Variants in SKAP1 observed in about 807,000 individuals in gnomAD.
SKAP1 encodes src kinase-associated phosphoprotein 1.
In SKAP1, 44 loss-of-function variants were observed where a neutral mutation model predicts 58.5. The observed-to-expected ratio is 0.75, with a 90% CI of 0.59 to 0.97. The LOEUF is 0.97. Among genes scored for constraint, SKAP1 ranks in the 50% least tolerant of loss-of-function variants. SKAP1 has a pLI of 0.00. For missense variants in SKAP1, 390 were observed against 435.2 expected, an observed-to-expected ratio of 0.90 and a Z score of 0.92; for synonymous variants, 127 against 149.7, an observed-to-expected ratio of 0.85 and a Z score of 1.11.
rs546853205 is a variant in SKAP1 at position 48,237,288 on chromosome 17, G to A, written c.281-47788C>T. 1.1e-4 allele frequency among the ~76,000 whole-genome samples: 16 copies of A among 152,300 alleles called. No individual in the cohort carries two copies. The South Asian group carries it at 3.3e-3, about 32-fold the overall frequency. ...AAAGTTGTATCATTATTCAATATAAGAGACTTTATTCCTAACTTGTGTTCT... is the reference window on the plus strand; with the variant it reads ...AAAGTTGTATCATTATTCAATATAAAAGACTTTATTCCTAACTTGTGTTCT... On this transcript the variant is annotated intron_variant, in intron 4 of 12. Coordinates refer to ENST00000336915, the MANE Select transcript of SKAP1 (RefSeq NM_003726.4).
chr17:48,197,369 C>A (rs925875390), intron 4 of SKAP1, among the ~76,000 whole-genome samples: 3 of 151,518 alleles, frequency 2.0e-5, no homozygotes, highest in African/African-American at 7.3e-5. Context: ...AGGGCTCATG[C>A]AGAAATCTTG....
intron 4 of SKAP1, among the ~76,000 whole-genome samples, chr17:48,275,738 A>T (rs562184530): frequency 1.3e-5 from 2 of 152,288 alleles, no homozygotes; most frequent in South Asian, 4.1e-4. Flanking sequence ...AATCCCAACT[A>T]TTGTTGTTGT....
intron 4 of SKAP1, among the ~76,000 whole-genome samples, chr17:48,299,351 C>T (rs1264487501): frequency 6.6e-6 from 1 of 152,150 alleles, no homozygotes; most frequent in Non-Finnish European, 1.5e-5. Flanking sequence ...AGCTAGACTA[C>T]TGAAGGAAGT....
At chr17:48,213,032 T>A (rs1051302497) in intron 4 of SKAP1, among the ~76,000 whole-genome samples, 9 of 152,072 alleles carry the variant, frequency 5.9e-5, no homozygotes, top group African/African-American at 2.2e-4. Flanking sequence ...AAAGAGTGGG[T>A]GCCTCAGCAG....
At chr17:48,429,057 CAATT>C (rs979583493) in intron 1 of SKAP1, among the ~76,000 whole-genome samples, 1 of 151,720 alleles carries the variant, frequency 6.6e-6, no homozygotes, top group African/African-American at 2.4e-5. Context: ...GATATAAAAC[CAATT>C]AAATTGAGAG....
intron 11 of SKAP1, among the ~76,000 whole-genome samples, chr17:48,142,148 C>T (rs890903075): frequency 6.6e-6 from 1 of 152,128 alleles, no homozygotes; most frequent in African/African-American, 2.4e-5. Context: ...ATATCCAGCA[C>T]AGAGTGGGGC....
intron 4 of SKAP1, among the ~76,000 whole-genome samples, chr17:48,284,735 G>A (rs999051924): frequency 6.6e-6 from 1 of 152,178 alleles, no homozygotes; most frequent in Non-Finnish European, 1.5e-5. Context: ...AGTTGTAGAA[G>A]GTTGGAAATC....
the SKAP1 span, among the ~76,000 whole-genome samples, chr17:48,444,279 A>C: frequency 6.6e-6 from 1 of 152,140 alleles, no homozygotes; most frequent in Non-Finnish European, 1.5e-5. Context: ...CTGTAATCCC[A>C]GTAACAGGGG....
intron 4 of SKAP1, among the ~76,000 whole-genome samples, chr17:48,200,728 C>T (rs2064716853): frequency 1.3e-5 from 2 of 152,174 alleles, no homozygotes; most frequent in Admixed American, 1.3e-4. Context: ...TAAGAAGGAT[C>T]TTTCCCTTAA....
At chr17:48,280,088 G>A (rs1001224366) in intron 4 of SKAP1, among the ~76,000 whole-genome samples, 5 of 152,122 alleles carry the variant, frequency 3.3e-5, no homozygotes, top group African/African-American at 1.2e-4. Context: ...GCTTGTTTAT[G>A]GAAACTAGAC....
chr17:48,433,934 C>T (rs2067929804), upstream of SKAP1, among the ~76,000 whole-genome samples: 4 of 152,196 alleles, frequency 2.6e-5, no homozygotes, highest in Admixed American at 2.6e-4. Context: ...GCATCTGGCA[C>T]CCAGAATGGC....
chr17:48,328,885 T>C (rs988264989), intron 4 of SKAP1, among the ~76,000 whole-genome samples: 1 of 152,230 alleles, frequency 6.6e-6, no homozygotes, highest in Non-Finnish European at 1.5e-5. Context: ...AAGAAATTTC[T>C]GAAATACTAT....
intron 1 of SKAP1, among the ~76,000 whole-genome samples, chr17:48,407,582 G>A (rs1040443862): frequency 3.3e-5 from 5 of 152,220 alleles, no homozygotes; most frequent in Admixed American, 2.6e-4. Flanking sequence ...GGAAAGGCCA[G>A]GTGCAGTGGC....
intron 4 of SKAP1, among the ~76,000 whole-genome samples, chr17:48,224,150 GAA>G (rs1219521112): frequency 6.7e-6 from 1 of 149,516 alleles, no homozygotes; most frequent in South Asian, 2.1e-4. Flanking sequence ...GCAAGAGCTT[GAA>G]AGTCTACACT....
At position 48,183,660 on chromosome 17, in the gene SKAP1, A is replaced by G. The variant is rs200836639; in HGVS notation, c.567+1063T>C. On this transcript the variant is annotated intron_variant, in intron 7 of 12. Transcript: ENST00000336915. ...ACGTAAACTTTTACCTGGATGTGTTACTATCAGAATGTAATAATAAAAATA... is the reference window on the plus strand; with the variant it reads ...ACGTAAACTTTTACCTGGATGTGTTGCTATCAGAATGTAATAATAAAAATA... Among the ~76,000 whole-genome samples the G allele has an allele frequency of 9.9e-5, 15 of 152,262 alleles. No individual in the cohort carries two copies. In the East Asian group the frequency reaches 2.7e-3, roughly 27 times the overall value.
At chr17:48,278,653 G>C (rs568191133) in intron 4 of SKAP1, among the ~76,000 whole-genome samples, 1 of 152,192 alleles carries the variant, frequency 6.6e-6, no homozygotes, top group African/African-American at 2.4e-5. Context: ...GGCAGGGATG[G>C]AGAGTAACAG....
intron 11 of SKAP1, among the ~76,000 whole-genome samples, chr17:48,146,662 T>C (rs1168239846): frequency 2.0e-5 from 3 of 151,892 alleles, no homozygotes; most frequent in Non-Finnish European, 4.4e-5. Flanking sequence ...AGTTTTGCTC[T>C]TTGTCACCCA....
intron 4 of SKAP1, among the ~76,000 whole-genome samples, chr17:48,227,901 T>C (rs149623338): frequency 6.6e-6 from 1 of 152,190 alleles, no homozygotes; most frequent in Non-Finnish European, 1.5e-5. Flanking sequence ...TGCTAAATAG[T>C]GCTTAGAACT....
intron 2 of SKAP1, among the ~76,000 whole-genome samples, chr17:48,381,182 C>T (rs1489366461): frequency 6.6e-6 from 1 of 152,218 alleles, no homozygotes; most frequent in African/African-American, 2.4e-5. Flanking sequence ...ATGTTATCCA[C>T]TACTAAAGCA....
Sources: allele counts gnomAD v4.1 joint callset (sites outside exome capture counted in the v4.1 genomes callset), GRCh38; gene constraint gnomAD v4.1.1; transcripts MANE v1.5; gene names NCBI Gene and HGNC (gene_info 2026-07-23, HGNC 2026-07-21).